Variants in GRIK4 observed in about 807,000 individuals in gnomAD.
GRIK4 encodes glutamate receptor ionotropic, kainate 4.
Under a neutral mutation model 104.9 loss-of-function variants are expected in GRIK4, and 40 were observed. The ratio of observed to expected loss-of-function variants is 0.38; its 90% CI spans 0.30 to 0.50. GRIK4 has a LOEUF of 0.50. GRIK4 is among the 20% of genes least tolerant of loss of function. The pLI is 0.93. For synonymous variants in GRIK4, 485 were observed against 524.9 expected (o/e 0.92, Z 1.04); for missense variants, 1,047 against 1,308.1 (o/e 0.80, Z 3.08).
chr11:120,749,450 A>T (rs3132780), intron 3 of GRIK4, among the ~76,000 whole-genome samples: 24 of 152,094 alleles, frequency 1.6e-4, no homozygotes, highest in Admixed American at 1.6e-3. Flanking sequence ...GGAAGCAAAC[A>T]GTCCTACTTC....
intron 1 of GRIK4, among the ~76,000 whole-genome samples, chr11:120,577,387 T>C (rs1948499142): frequency 6.6e-6 from 1 of 151,748 alleles, no homozygotes; most frequent in African/African-American, 2.4e-5. Flanking sequence ...TCTCTTGGGT[T>C]AGAAGGGGCT....
At chr11:120,732,434 T>C (rs1169589684) in intron 3 of GRIK4, among the ~76,000 whole-genome samples, 1 of 152,174 alleles carries the variant, frequency 6.6e-6, no homozygotes, top group Non-Finnish European at 1.5e-5. Context: ...CCCAGCCAAC[T>C]TTTCTAGTTC....
intron 1 of GRIK4, among the ~76,000 whole-genome samples, chr11:120,594,593 C>A (rs1948776402): frequency 6.6e-6 from 1 of 152,232 alleles, no homozygotes; most frequent in Non-Finnish European, 1.5e-5. Flanking sequence ...CCTCCTCTTG[C>A]ACTGTCTTCT....
chr11:120,892,323 C>T (rs1955327478), intron 11 of GRIK4, among the ~76,000 whole-genome samples: 1 of 152,114 alleles, frequency 6.6e-6, no homozygotes, highest in Non-Finnish European at 1.5e-5. Flanking sequence ...TATCCTTAAG[C>T]CAACATGGGA....
At chr11:120,954,562 C>T (rs11218080) in intron 15 of GRIK4, among the ~76,000 whole-genome samples, 46,602 of 151,780 alleles carry the variant, frequency 0.31, 7,564 homozygotes, top group African/African-American at 0.41. Flanking sequence ...CTCAGGTCAC[C>T]TCAAGGGCCC....
At chr11:120,597,798 C>T (rs1048609303) in intron 1 of GRIK4, among the ~76,000 whole-genome samples, 2 of 152,120 alleles carry the variant, frequency 1.3e-5, no homozygotes, top group Admixed American at 1.3e-4. Context: ...TCCCTTTTAG[C>T]GACCTCTGTG....
intron 1 of GRIK4, among the ~76,000 whole-genome samples, chr11:120,576,216 C>T (rs966828914): frequency 5.3e-5 from 8 of 151,990 alleles, no homozygotes; most frequent in African/African-American, 1.5e-4. Context: ...TTCCAGTGGT[C>T]GAGGGGTGAG....
intron 1 of GRIK4, among the ~76,000 whole-genome samples, chr11:120,514,125 C>T (rs1222766226): frequency 1.3e-5 from 2 of 152,084 alleles, no homozygotes; most frequent in African/African-American, 2.4e-5. Context: ...AGAGACTGCT[C>T]AGAAGGCAAG....
At chr11:120,821,339 A>G (rs1953122485) in intron 6 of GRIK4, among the ~76,000 whole-genome samples, 1 of 152,134 alleles carries the variant, frequency 6.6e-6, no homozygotes, top group Admixed American at 6.5e-5. Context: ...AGGGAAAGAG[A>G]TAGGTCATGC....
intron 7 of GRIK4, among the ~76,000 whole-genome samples, chr11:120,836,134 GA>G (rs1227286865): frequency 3.3e-5 from 5 of 152,202 alleles, no homozygotes; most frequent in African/African-American, 9.7e-5. Flanking sequence ...GCCCCAAAGA[GA>G]GTTGTGTTTG....
chr11:120,827,643 C>T (rs1468054017), intron 6 of GRIK4, among the ~76,000 whole-genome samples: 2 of 152,210 alleles, frequency 1.3e-5, no homozygotes, highest in Admixed American at 6.5e-5. Flanking sequence ...ACTCTTAATA[C>T]TCTCAATGTA....
chr11:120,608,717 G>A (rs1253431306), intron 1 of GRIK4, among the ~76,000 whole-genome samples: 1 of 152,196 alleles, frequency 6.6e-6, no homozygotes, highest in African/African-American at 2.4e-5. Flanking sequence ...TTGTGTCTCT[G>A]CAGGGCCCAG....
intron 3 of GRIK4, among the ~76,000 whole-genome samples, chr11:120,722,672 G>A (rs193032517): frequency 5.8e-4 from 88 of 152,200 alleles, no homozygotes; most frequent in African/African-American, 2.0e-3. Context: ...AGTCTGGAAG[G>A]CTGACTCCCG....
intron 13 of GRIK4, among the ~76,000 whole-genome samples, chr11:120,934,254 C>CACTGCTG (rs1231669153): frequency 4.1e-5 from 6 of 145,466 alleles, no homozygotes; most frequent in African/African-American, 1.3e-4. Flanking sequence ...GGTGCTAGGG[C>CACTGCTG]ACTGCTGAGT....
At chr11:120,533,237 G>C (rs1947940335) in intron 1 of GRIK4, among the ~76,000 whole-genome samples, 2 of 152,234 alleles carry the variant, frequency 1.3e-5, no homozygotes. Context: ...AGCTGGGTCA[G>C]AGGGGACTTC....
At chr11:120,900,655 G>A (rs113909324) in intron 12 of GRIK4, among the ~76,000 whole-genome samples, 1,587 of 152,238 alleles carry the variant, frequency 0.01, 24 homozygotes, top group African/African-American at 0.036. Flanking sequence ...GGTCAGGGTG[G>A]CCTCTCCGAG....
intron 3 of GRIK4, among the ~76,000 whole-genome samples, chr11:120,709,806 CA>C: frequency 1.3e-5 from 2 of 152,198 alleles, no homozygotes; most frequent in South Asian, 4.2e-4. Flanking sequence ...ACTAAAAAAT[CA>C]GAGTAGTGTA....
chr11:120,566,651 A>G (rs1948327489), intron 1 of GRIK4, among the ~76,000 whole-genome samples: 1 of 152,172 alleles, frequency 6.6e-6, no homozygotes, highest in Admixed American at 6.5e-5. Flanking sequence ...GACATCAACT[A>G]AGAGGGAGAG....
At chr11:120,874,323 T>C (rs1954708741) in intron 10 of GRIK4, 105 bp downstream of exon 10, 1 of 883,846 alleles carries the variant, frequency 1.1e-6, no homozygotes, top group South Asian at 1.7e-5. Flanking sequence ...TCGAAATGTG[T>C]CTGTTATTAC....
Sources: gnomAD v4.1 joint callset for allele counts (sites outside exome capture counted in the v4.1 genomes callset) on GRCh38, gnomAD v4.1.1 for gene constraint, MANE v1.5 for transcripts, NCBI Gene and HGNC (gene_info 2026-07-23, HGNC 2026-07-21) for gene names.